DMD: variants seen among roughly 807,000 people sequenced by gnomAD.
DMD encodes the protein dystrophin.
A neutral mutation model predicts 330.1 loss-of-function variants in DMD; 63 were observed. That is an observed-to-expected ratio of 0.19 (90% CI 0.16 to 0.24). The LOEUF (loss-of-function observed/expected upper bound fraction) is 0.24. Ranked by LOEUF, DMD falls within the 10% of genes least tolerant of loss-of-function variation. The pLI is 1.00. For synonymous variants in DMD, 1,223 were observed against 959.8 expected (o/e 1.27, Z -5.07); for missense variants, 3,344 against 2,684.1 (o/e 1.25, Z -5.43).
chrX:31,284,518 AAC>A (rs1386101551), intron 62 of DMD, among the ~76,000 whole-genome samples: 1 of 108,569 alleles, frequency 9.2e-6, no homozygotes, highest in African/African-American at 3.4e-5. Context: ...TCAGAAAGGA[AAC>A]ACAAACTCCT....
chrX:32,197,000 A>AAAAAAC (rs1557206015), intron 44 of DMD, among the ~76,000 whole-genome samples: 2,691 of 93,219 alleles, frequency 0.029, 131 homozygotes, highest in African/African-American at 0.07. Flanking sequence ...AAAAAAAAAA[A>AAAAAAC]AAAAACAAAA....
chrX:32,734,302 C>A (rs2068115947), intron 7 of DMD, among the ~76,000 whole-genome samples: 1 of 87,673 alleles, frequency 1.1e-5, no homozygotes, highest in Non-Finnish European at 2.0e-5. Flanking sequence ...AGTCCAGGAC[C>A]AGATGGATTC....
chrX:31,682,023 G>A (rs1211327677), intron 52 of DMD, among the ~76,000 whole-genome samples: 1 of 112,192 alleles, frequency 8.9e-6, no homozygotes, highest in Middle Eastern at 4.2e-3. Context: ...AGAGGTTGCA[G>A]TGAGCCGAGA....
chrX:32,661,509 C>A (rs2060945003), intron 9 of DMD, among the ~76,000 whole-genome samples: 1 of 111,447 alleles, frequency 9.0e-6, no homozygotes, highest in African/African-American at 3.2e-5. Context: ...AACTTGTTGC[C>A]AGACTTTTTT....
chrX:31,763,187 A>G (rs927252137), intron 51 of DMD, among the ~76,000 whole-genome samples: 5 of 112,922 alleles, frequency 4.4e-5, no homozygotes, highest in African/African-American at 6.4e-5. Context: ...AGAAAAGTTC[A>G]AGACAACAGA....
At chrX:32,322,855 AG>A (rs1377503406) in intron 41 of DMD, among the ~76,000 whole-genome samples, 2 of 112,129 alleles carry the variant, frequency 1.8e-5, no homozygotes, top group African/African-American at 6.5e-5. Context: ...GAGATATTAA[AG>A]AATGTTACTA....
intron 60 of DMD, among the ~76,000 whole-genome samples, chrX:31,383,359 G>A (rs1443895040): frequency 2.7e-5 from 3 of 112,351 alleles, no homozygotes; most frequent in South Asian, 7.3e-4. Flanking sequence ...CTCTTCACAC[G>A]GACGCGAGTG....
At chrX:33,155,799 GA>G (rs767019506) in intron 1 of DMD, among the ~76,000 whole-genome samples, 7,442 of 100,015 alleles carry the variant, frequency 0.074, 271 homozygotes, top group South Asian at 0.2. Flanking sequence ...TCTCTACAAA[GA>G]AAAAAAAAAA....
At chrX:31,777,518 C>T (rs2090746921) in intron 50 of DMD, among the ~76,000 whole-genome samples, 1 of 109,389 alleles carries the variant, frequency 9.1e-6, no homozygotes, top group African/African-American at 3.3e-5. Context: ...GATGACTTAA[C>T]CTCTCTGAAT....
chrX:32,763,731 G>A (rs1042631571), intron 7 of DMD, among the ~76,000 whole-genome samples: 7 of 111,374 alleles, frequency 6.3e-5, no homozygotes, highest in East Asian at 2.8e-4. Context: ...TCAATTTTAC[G>A]TCAAATTCCA....
chrX:32,876,581 G>A (rs780744098), intron 2 of DMD, among the ~76,000 whole-genome samples: 174 of 111,610 alleles, frequency 1.6e-3, no homozygotes, highest in African/African-American at 5.5e-3. Context: ...TGATCTTGCG[G>A]TCTCTCGGTC....
At chrX:31,284,854 ACACACACACC>A (rs1443814198) in intron 62 of DMD, among the ~76,000 whole-genome samples, 2 of 107,241 alleles carry the variant, frequency 1.9e-5, no homozygotes, top group African/African-American at 6.9e-5. Flanking sequence ...ACACACACAC[ACACACACACC>A]CACACCCACA....
rs35286502 is a variant in DMD, at chrX:31,134,421, C to CT, written c.10922-228dup. Among the ~76,000 whole-genome samples the CT allele has an allele frequency of 0.012, 967 of 79,608 alleles. 21 individuals carry two copies. The highest frequency in any genetic ancestry group is 0.04 in the African/African-American group (843 of 20,876). The allele number at this position is 79,608 out of a possible 115,157, so 69.1% of individuals were successfully genotyped here. On this transcript the variant is annotated intron_variant, in intron 76 of 78. Transcript: ENST00000357033. ...CCTTGGAGAAAAAAAAACTGTATAT[C>CT]TTTTTTTTTTTTTTTTTTTGAGATG...
In DMD at chrX:33,081,385, T is replaced by C. The variant is rs753325166; in HGVS notation, c.32-61185A>G. Among the ~76,000 whole-genome samples the C allele has an allele frequency of 8.0e-5, 9 of 112,179 alleles. No homozygotes were observed. The East Asian group carries it at 2.3e-3, about 28-fold the overall frequency. On this transcript the variant is annotated intron_variant, in intron 1 of 78. Transcript: ENST00000357033. ...GCCTCCTGGGTTCAAGGGATTCTCCTGCCTTAGCCTCTCAAGTAGCTGGGA... is the reference window on the plus strand; with the variant it reads ...GCCTCCTGGGTTCAAGGGATTCTCCCGCCTTAGCCTCTCAAGTAGCTGGGA...
intron 1 of DMD, among the ~76,000 whole-genome samples, chrX:33,233,285 T>C (rs1164436630): frequency 9.0e-6 from 1 of 111,316 alleles, no homozygotes; most frequent in African/African-American, 3.3e-5. Context: ...AAAAGTGCAC[T>C]CCTGGGCATT....
intron 11 of DMD, among the ~76,000 whole-genome samples, chrX:32,632,732 C>A (rs556229683): frequency 2.6e-5 from 1 of 38,298 alleles, no homozygotes; most frequent in African/African-American, 6.8e-5. Context: ...ACGCTGGGTG[C>A]GGGGGGGAGG....
rs974872987 is a variant in DMD at position 33,086,499 on chromosome X, T to C, written c.32-66299A>G. Among the ~76,000 whole-genome samples, 3 of 111,252 alleles carry C rather than the reference T, an allele frequency of 2.7e-5. No homozygotes were observed. In the Admixed American group the frequency reaches 2.9e-4, roughly 11 times the overall value. On this transcript the variant is annotated intron_variant, in intron 1 of 78. Transcript: ENST00000357033. The stretch of plus-strand genomic sequence containing the variant: ...CATTTTAAAAGTAGGTAACAGAAAT[T>C]AATAACTCATAGTTATATAATGGGG...
intron 2 of DMD, among the ~76,000 whole-genome samples, chrX:32,984,190 C>A (rs2092783679): frequency 8.9e-6 from 1 of 111,974 alleles, no homozygotes; most frequent in Non-Finnish European, 1.9e-5. Context: ...GAAGTGGTAC[C>A]AAGTGATCAC....
chrX:31,852,577 G>T (rs2093547921), intron 48 of DMD, among the ~76,000 whole-genome samples: 1 of 111,027 alleles, frequency 9.0e-6, no homozygotes, highest in African/African-American at 3.3e-5. Flanking sequence ...CTCAAAAACT[G>T]ACTGAAATTT....
Sources: gnomAD v4.1 joint callset for allele counts (sites outside exome capture counted in the v4.1 genomes callset) on GRCh38, gnomAD v4.1.1 for gene constraint, MANE v1.5 for transcripts, NCBI Gene and HGNC (gene_info 2026-07-23, HGNC 2026-07-21) for gene names.